The following CDC42BPA variants were observed in gnomAD, a reference collection of about 807,000 sequenced individuals.
The protein encoded by CDC42BPA is serine/threonine-protein kinase MRCK alpha.
Under a neutral mutation model 223.5 loss-of-function variants are expected in CDC42BPA, and 80 were observed. The observed-to-expected ratio is 0.36, with a 90% CI of 0.30 to 0.43. The LOEUF (loss-of-function observed/expected upper bound fraction) is 0.43. Among genes scored for constraint, CDC42BPA ranks in the 20% least tolerant of loss-of-function variants. The probability of loss-of-function intolerance (pLI) is 1.00; values close to 1 mark genes in which losing one functional copy is unlikely to be tolerated. For missense variants in CDC42BPA, 1,743 were observed against 2,099.9 expected (o/e 0.83, Z 3.32); for synonymous variants, 694 against 718.6 (o/e 0.97, Z 0.55).
chr1:227,096,564 T>A (rs377003669), intron 15 of CDC42BPA, among the ~76,000 whole-genome samples: 2 of 152,234 alleles, frequency 1.3e-5, no homozygotes, highest in South Asian at 2.1e-4. Flanking sequence ...ACACTGCCTG[T>A]GATTACATCC....
chr1:227,199,710 A>G, intron 3 of CDC42BPA, 58 bp from the exon 4 acceptor site: 2 of 816,322 alleles, frequency 2.5e-6, no homozygotes, highest in Non-Finnish European at 4.2e-6. Context: ...GGAAATATAC[A>G]AAGAATTACT....
intron 33 of CDC42BPA, among the ~76,000 whole-genome samples, 154 bp from the exon 34 acceptor site, chr1:227,016,351 C>T (rs186608942): frequency 6.6e-6 from 1 of 152,178 alleles, no homozygotes; most frequent in Admixed American, 6.5e-5. Context: ...TAAAAATGTA[C>T]TTCCTTAGAA....
chr1:227,017,180 G>T, intron 32 of CDC42BPA, 130 bp from the exon 33 acceptor site: 1 of 686,332 alleles, frequency 1.5e-6, no homozygotes, highest in Non-Finnish European at 2.3e-6. Flanking sequence ...TAAATGTTGT[G>T]TTGATAACCC....
intron 11 of CDC42BPA, among the ~76,000 whole-genome samples, chr1:227,123,214 A>G (rs1359363395): frequency 2.6e-5 from 4 of 152,196 alleles, no homozygotes; most frequent in African/African-American, 7.2e-5. Flanking sequence ...AGGCGGGAGA[A>G]TCACTTGAAC....
intron 10 of CDC42BPA, among the ~76,000 whole-genome samples, chr1:227,134,425 C>A (rs1270481135): frequency 6.6e-6 from 1 of 152,180 alleles, no homozygotes; most frequent in Non-Finnish European, 1.5e-5. Flanking sequence ...TTCCCTAGCT[C>A]ATTTACTCTT....
chr1:227,016,559 G>C, intron 33 of CDC42BPA, among the ~76,000 whole-genome samples: 1 of 152,090 alleles, frequency 6.6e-6, no homozygotes, highest in East Asian at 1.9e-4. Flanking sequence ...TCCTACTTCT[G>C]TTTGCTCATG....
chr1:227,023,454 TA>T (rs1667735237), intron 31 of CDC42BPA, 107 bp from the exon 32 acceptor site: 1 of 525,638 alleles, frequency 1.9e-6, no homozygotes, highest in South Asian at 2.8e-5. Context: ...CTCATTTATC[TA>T]CTTCAAAATG....
chr1:227,265,101 A>G (rs1684759587), intron 1 of CDC42BPA: 9 of 772,588 alleles, frequency 1.2e-5, no homozygotes, highest in Admixed American at 1.7e-5. Flanking sequence ...AACTAACAGT[A>G]CCAAATTTTA....
intron 32 of CDC42BPA, among the ~76,000 whole-genome samples, chr1:227,018,961 GT>G (rs1473672896): frequency 6.6e-6 from 1 of 152,212 alleles, no homozygotes; most frequent in Non-Finnish European, 1.5e-5. Flanking sequence ...ACTGAGCAGG[GT>G]GGTGGCTGCT....
At chr1:227,143,065 TA>T (rs774567606) in intron 8 of CDC42BPA, 41 bp from the exon 9 acceptor site, 2 of 1,259,984 alleles carry the variant, frequency 1.6e-6, no homozygotes, top group South Asian at 3.3e-5. Context: ...TAGATAGCTA[TA>T]TGATCTGTAG....
intron 1 of CDC42BPA, among the ~76,000 whole-genome samples, chr1:227,304,027 TCTC>T (rs1260079309): frequency 6.6e-6 from 1 of 152,164 alleles, no homozygotes; most frequent in African/African-American, 2.4e-5. Context: ...AGCACCCTCT[TCTC>T]CTTACCTCAC....
chr1:227,202,154 T>C (rs1671890580), intron 3 of CDC42BPA, among the ~76,000 whole-genome samples: 1 of 152,128 alleles, frequency 6.6e-6, no homozygotes, highest in African/African-American at 2.4e-5. Flanking sequence ...AGCTAATTTT[T>C]TGTATTTTTA....
chr1:227,173,797 A>G (rs1041073837), intron 5 of CDC42BPA, among the ~76,000 whole-genome samples: 2 of 152,124 alleles, frequency 1.3e-5, no homozygotes, highest in African/African-American at 4.8e-5. Flanking sequence ...TCGGTATTCC[A>G]TGTAATAAAA....
At chr1:227,231,852 T>G (rs540447936) in intron 2 of CDC42BPA, among the ~76,000 whole-genome samples, 20 of 152,338 alleles carry the variant, frequency 1.3e-4, no homozygotes, top group African/African-American at 4.6e-4. Context: ...TCTTGTAAAT[T>G]TGTTTGAGTT....
intron 3 of CDC42BPA, among the ~76,000 whole-genome samples, chr1:227,210,439 G>A (rs1272295611): frequency 6.6e-6 from 1 of 152,076 alleles, no homozygotes; most frequent in Non-Finnish European, 1.5e-5. Context: ...ATATATAAAT[G>A]TCCAGAATCT....
chr1:227,148,908 A>G (rs1207900073), intron 6 of CDC42BPA, among the ~76,000 whole-genome samples: 8 of 152,098 alleles, frequency 5.3e-5, no homozygotes, highest in African/African-American at 1.9e-4. Context: ...CAGGATAATA[A>G]GCATTAGAGA....
chr1:227,155,453 A>C (rs1662571723), intron 6 of CDC42BPA, among the ~76,000 whole-genome samples: 1 of 152,214 alleles, frequency 6.6e-6, no homozygotes. Context: ...AGGATCCAGG[A>C]AACAGAGTCC....
chr1:227,151,522 A>C (rs915588425), intron 6 of CDC42BPA, among the ~76,000 whole-genome samples: 3 of 152,154 alleles, frequency 2.0e-5, no homozygotes, highest in African/African-American at 4.8e-5. Flanking sequence ...ATCACGTGGT[A>C]ATTCTATTTT....
At chr1:227,284,261 A>AT (rs1026050259) in intron 1 of CDC42BPA, among the ~76,000 whole-genome samples, 1 of 152,140 alleles carries the variant, frequency 6.6e-6, no homozygotes, top group African/African-American at 2.4e-5. Context: ...TAATGATTTA[A>AT]TTTTTTATAT....
Sources: gnomAD v4.1 joint callset for allele counts (sites outside exome capture counted in the v4.1 genomes callset) on GRCh38, gnomAD v4.1.1 for gene constraint, MANE v1.5 for transcripts, NCBI Gene and HGNC (gene_info 2026-07-23, HGNC 2026-07-21) for gene names.